Variants in TIMM23 observed in about 807,000 individuals in gnomAD.
The protein encoded by TIMM23 is translocase of inner mitochondrial membrane 23.
TIMM23 carries 19 observed loss-of-function variants against 30.7 expected under a neutral mutation model. The ratio of observed to expected loss-of-function variants is 0.62; its 90% CI spans 0.43 to 0.91. The LOEUF (loss-of-function observed/expected upper bound fraction) is 0.91, where lower values mean the gene tolerates loss of function less well. TIMM23 is among the 40% of genes least tolerant of loss of function. TIMM23 has a pLI of 0.00. For missense variants in TIMM23, 202 were observed against 269.2 expected (o/e 0.75, Z 1.75); for synonymous variants, 78 against 98.5 (o/e 0.79, Z 1.23).
In TIMM23 at chr10:46,003,557, G is replaced by A. The variant is rs1212193031; in HGVS notation, c.*239G>A. ...AGTACCATGGTTCTGTTCTCCTCTG[G>A]AGATCTTGCACGTATCTGTTTTCCT... On this transcript the variant is annotated 3_prime_UTR_variant, in exon 7 of 7. Coordinates refer to ENST00000580018, the MANE Select transcript of TIMM23 (RefSeq NM_006327.4). 1 of 375,958 alleles carries A rather than the reference G, an allele frequency of 2.7e-6. No homozygotes were observed. The highest frequency in any genetic ancestry group is 4.9e-6 in the Non-Finnish European group (1 of 203,318). 23.3% of individuals were successfully genotyped at this position (375,958 alleles called of 1,614,324 possible).
chr10:45,993,490 G>T (rs1250173975), intron 6 of TIMM23, among the ~76,000 whole-genome samples: 2 of 152,008 alleles, frequency 1.3e-5, no homozygotes, highest in Non-Finnish European at 2.9e-5. Flanking sequence ...CCGACCTCAG[G>T]TTGCAGTGAG....
In TIMM23 at chr10:45,982,834, A is replaced by T; in HGVS notation, c.260-12A>T. ...GCTGTCTTTATCTGGGTGAATTGTTATGATTTACCAGGGGCTGCGTTTGGT... is the reference window on the plus strand; with the variant it reads ...GCTGTCTTTATCTGGGTGAATTGTTTTGATTTACCAGGGGCTGCGTTTGGT... On this transcript the variant is annotated splice_polypyrimidine_tract_variant and intron_variant, in intron 3 of 6. Coordinates refer to ENST00000580018, the MANE Select transcript of TIMM23 (RefSeq NM_006327.4). 6.2e-7 allele frequency: 1 copy of T among 1,613,766 alleles called. No individual in the cohort carries two copies. The highest frequency in any genetic ancestry group is 8.5e-7 in the Non-Finnish European group (1 of 1,179,848).
intron 4 of TIMM23, 88 bp from the exon 5 acceptor site, chr10:45,985,295 G>A (rs1482431425): frequency 6.5e-7 from 1 of 1,536,400 alleles, no homozygotes; most frequent in Non-Finnish European, 9.0e-7. Context: ...CCTGGGTCTA[G>A]ACATGTTAAA....
At chr10:45,984,735 A>C (rs1212459983) in intron 4 of TIMM23, 1 of 374,528 alleles carries the variant, frequency 2.7e-6, no homozygotes, top group Non-Finnish European at 5.3e-6. Flanking sequence ...CACTGGTGCA[A>C]GGCAGAACTG....
At chr10:45,988,425 T>C (rs1838061821) in intron 5 of TIMM23, among the ~76,000 whole-genome samples, 1 of 151,882 alleles carries the variant, frequency 6.6e-6, no homozygotes, top group Non-Finnish European at 1.5e-5. Context: ...AGTCCTGCTG[T>C]GGGGAGAAAA....
In TIMM23 at chr10:46,003,583, C is replaced by G; in HGVS notation, c.*265C>G. 3.4e-6 allele frequency: 1 copy of G among 293,556 alleles called. No individual in the cohort carries two copies. 18.2% of individuals were successfully genotyped at this position (293,556 alleles called of 1,614,324 possible). On this transcript the variant is annotated 3_prime_UTR_variant, in exon 7 of 7. Transcript: ENST00000580018. ...AGATCTTGCACGTATCTGTTTTCCTCCCCCATGAACTAGAAAACCACTTAC... is the reference window on the plus strand; with the variant it reads ...AGATCTTGCACGTATCTGTTTTCCTGCCCCATGAACTAGAAAACCACTTAC...
chr10:45,980,741 T>A (rs1244452700), intron 2 of TIMM23, among the ~76,000 whole-genome samples: 2 of 152,210 alleles, frequency 1.3e-5, no homozygotes, highest in East Asian at 3.9e-4. Context: ...AACAAGAGGT[T>A]TTTAGTAAAT....
chr10:45,999,731 C>A (rs868979007), intron 6 of TIMM23, among the ~76,000 whole-genome samples: 2 of 152,164 alleles, frequency 1.3e-5, no homozygotes, highest in South Asian at 2.1e-4. Flanking sequence ...TGAGAGCAAC[C>A]GGTCTGACCA....
At chr10:45,997,549 C>T (rs1197346300) in intron 6 of TIMM23, among the ~76,000 whole-genome samples, 1 of 152,174 alleles carries the variant, frequency 6.6e-6, no homozygotes, top group Non-Finnish European at 1.5e-5. Flanking sequence ...CCGTGGCTCA[C>T]GCCTGTAGTC....
chr10:45,986,660 A>G (rs1315899517), intron 5 of TIMM23, among the ~76,000 whole-genome samples: 2 of 152,214 alleles, frequency 1.3e-5, no homozygotes, highest in Non-Finnish European at 2.9e-5. Context: ...TAAAAGTTTA[A>G]CATTCGTTCC....
At chr10:45,984,269 A>G (rs1392923853) in intron 4 of TIMM23, among the ~76,000 whole-genome samples, 11 of 152,252 alleles carry the variant, frequency 7.2e-5, no homozygotes, top group Admixed American at 5.9e-4. Context: ...GTTCTATCCC[A>G]TTTCCTTCTC....
intron 6 of TIMM23, among the ~76,000 whole-genome samples, chr10:45,997,502 A>G (rs1374022230): frequency 2.0e-5 from 3 of 152,180 alleles, no homozygotes; most frequent in South Asian, 2.1e-4. Context: ...GCAAGATGAA[A>G]AGAGTCCTCT....
intron 6 of TIMM23, among the ~76,000 whole-genome samples, chr10:45,989,261 A>G (rs1347129295): frequency 6.6e-6 from 1 of 152,220 alleles, no homozygotes; most frequent in Non-Finnish European, 1.5e-5. Flanking sequence ...TATTTTACGT[A>G]GCATAATATC....
At chr10:45,993,909 A>T (rs1291386718) in intron 6 of TIMM23, among the ~76,000 whole-genome samples, 1 of 151,548 alleles carries the variant, frequency 6.6e-6, no homozygotes, top group Non-Finnish European at 1.5e-5. Flanking sequence ...AATGAAATGA[A>T]ATGAAGAAAT....
At chr10:45,975,681 G>C (rs1209447913) in intron 2 of TIMM23, among the ~76,000 whole-genome samples, 169 bp downstream of exon 2, 2 of 152,158 alleles carry the variant, frequency 1.3e-5, no homozygotes, top group Non-Finnish European at 2.9e-5. Flanking sequence ...GCATCTCTCT[G>C]AAACCAGTTA....
Position 45,982,651 on chromosome 10 carries a change from A to T in TIMM23, c.259+35A>T, listed in dbSNP as rs1452286900. The T allele has an allele frequency of 3.7e-6, 6 of 1,612,434 alleles. No individual in the cohort carries two copies. The African/African-American group carries it at 5.3e-5, about 14-fold the overall frequency. ...ACATACTTTTTTCTCAAGAGTGCTCAGTTCAAGTAGTTGAGGGTGCGTAAA... is the reference window on the plus strand; with the variant it reads ...ACATACTTTTTTCTCAAGAGTGCTCTGTTCAAGTAGTTGAGGGTGCGTAAA... On this transcript the variant is annotated intron_variant, in intron 3 of 6. Transcript: ENST00000580018.
At chr10:45,993,175 G>T (rs1838217354) in intron 6 of TIMM23, among the ~76,000 whole-genome samples, 1 of 149,014 alleles carries the variant, frequency 6.7e-6, no homozygotes, top group African/African-American at 2.5e-5. Flanking sequence ...TGCTTAAAAC[G>T]TGAATGACTA....
Position 45,980,705 on chromosome 10 carries a change from T to A in TIMM23, c.166-1818T>A, listed in dbSNP as rs1554913857. Among the ~76,000 whole-genome samples the A allele has an allele frequency of 3.2e-4, 48 of 152,260 alleles. 1 individual carries two copies. In the South Asian group the frequency reaches 9.1e-3, roughly 29 times the overall value. On this transcript the variant is annotated intron_variant, in intron 2 of 6. Coordinates refer to ENST00000580018, the MANE Select transcript of TIMM23 (RefSeq NM_006327.4). ...ACTTGGGATTTTAGTAATACTAGTG[T>A]CCTGGAGTGTCAGCAGAACAGGTTT...
intron 1 of TIMM23, among the ~76,000 whole-genome samples, chr10:45,973,677 T>C (rs1404083203): frequency 2.0e-5 from 3 of 152,206 alleles, no homozygotes; most frequent in Non-Finnish European, 2.9e-5. Flanking sequence ...AGGACCTCGT[T>C]CTGTCACCCA....
Sources: gnomAD v4.1 joint callset for allele counts (sites outside exome capture counted in the v4.1 genomes callset) on GRCh38, gnomAD v4.1.1 for gene constraint, MANE v1.5 for transcripts, NCBI Gene and HGNC (gene_info 2026-07-23, HGNC 2026-07-21) for gene names.